The following SSUH2 variants were observed in gnomAD, a reference collection of about 807,000 sequenced individuals.
SSUH2 encodes the protein protein SSUH2 homolog.
A neutral mutation model predicts 55.3 loss-of-function variants in SSUH2; 47 were observed. The ratio of observed to expected loss-of-function variants is 0.85; its 90% CI spans 0.67 to 1.08. SSUH2 has a LOEUF of 1.08. Ranked by LOEUF, SSUH2 falls within the 50% of genes least tolerant of loss-of-function variation. The probability of loss-of-function intolerance (pLI) is 0.00; values close to 1 mark genes in which losing one functional copy is unlikely to be tolerated. For missense variants in SSUH2, 535 were observed against 490.7 expected (o/e 1.09, Z -0.85); for synonymous variants, 212 against 191.5 (o/e 1.11, Z -0.89).
intron 7 of SSUH2, among the ~76,000 whole-genome samples, chr3:8,658,766 A>T (rs1575320637): frequency 1.3e-5 from 2 of 152,218 alleles, no homozygotes; most frequent in Non-Finnish European, 2.9e-5. Flanking sequence ...TTGTGCCTGC[A>T]TGACTTCTCC....
At chr3:8,663,372 A>C (rs1703682871) in intron 6 of SSUH2, among the ~76,000 whole-genome samples, 2 of 152,356 alleles carry the variant, frequency 1.3e-5, no homozygotes, top group Admixed American at 1.3e-4. Context: ...ACAGCAATGC[A>C]TGGGCTGAGC....
In SSUH2 at chr3:8,680,710, C is replaced by T. The variant is rs998174916; in HGVS notation, c.-1045-861G>A. On this transcript the variant is annotated intron_variant, in intron 1 of 18. Transcript: ENST00000317371. ...ATACATGAAGTCATATCACCCCCTC[C>T]GCCTTGGTATATTATGAAGGAGCAT... 1.6e-4 allele frequency among the ~76,000 whole-genome samples: 24 copies of T among 152,116 alleles called. 1 individual carries two copies. The highest frequency in any genetic ancestry group is 3.9e-4 in the East Asian group (2 of 5,162).
Position 8,676,859 on chromosome 3 carries a change from T to TAGTAG in SSUH2, c.-753+346_-753+347insCTACT, listed in dbSNP as rs1423498612. ...CCCCACCTGGCCCTTAGGACCCCCA[T>TAGTAG]CGCAGGGGAGGAGGCATCCCCCGTG... On this transcript the variant is annotated intron_variant, in intron 3 of 18. Transcript: ENST00000317371. Among the ~76,000 whole-genome samples the TAGTAG allele has an allele frequency of 1.5e-3, 222 of 145,870 alleles. 4 individuals are homozygous for TAGTAG. Among genetic ancestry groups the TAGTAG allele is most frequent in the South Asian group, 2.7e-3 (12 of 4,432 alleles).
Position 8,630,925 on chromosome 3 carries a change from G to A in SSUH2, c.405C>T (p.His135=), listed in dbSNP as rs1698643745. ...SEWTFQPFTN[H]SVDGPQRGAS... ...CGCCTCTTTGCGGCCCATCCACAGAGTGGTCTGACACAGAAAGGGGTCATT... is the reference window on the plus strand; with the variant it reads ...CGCCTCTTTGCGGCCCATCCACAGAATGGTCTGACACAGAAAGGGGTCATT... The change falls in exon 6 of 12, where the codon CAC becomes CAT. Residue 135 remains histidine, a synonymous_variant. Transcript: ENST00000544814. 7.0e-7 allele frequency: 1 copy of A among 1,430,356 alleles called. No homozygotes were observed. Among genetic ancestry groups the A allele is most frequent in the Non-Finnish European group, 9.2e-7 (1 of 1,088,316 alleles). 88.6% of individuals were successfully genotyped at this position (1,430,356 alleles called of 1,614,324 possible). A position where few individuals can be genotyped will look rare whatever the true frequency, so the allele number is the denominator to read the frequency against.
Position 8,630,919 on chromosome 3 carries a change from C to T in SSUH2, c.411G>A (p.Val137=). 7.0e-7 allele frequency: 1 copy of T among 1,434,960 alleles called. No homozygotes were observed. The highest frequency in any genetic ancestry group is 9.2e-7 in the Non-Finnish European group (1 of 1,090,672). The allele number at this position is 1,434,960 out of a possible 1,614,324, so 88.9% of individuals were successfully genotyped here. A position where few individuals can be genotyped will look rare whatever the true frequency, so the allele number is the denominator to read the frequency against. Residue 137 remains valine (V), a synonymous_variant, in exon 6 of 12, where the codon GTG becomes GTA. Transcript: ENST00000544814. ...GGGAGGCGCCTCTTTGCGGCCCATC[C>T]ACAGAGTGGTCTGACACAGAAAGGG... is the stretch of plus-strand genomic sequence containing the variant. ...WTFQPFTNHS[V]DGPQRGASPR...
intron 1 of SSUH2, among the ~76,000 whole-genome samples, chr3:8,640,691 A>G (rs1465716939): frequency 6.6e-6 from 1 of 152,148 alleles, no homozygotes; most frequent in Non-Finnish European, 1.5e-5. Context: ...CCTGCTGGAG[A>G]GAGAAGCATG....
chr3:8,621,135 C>T (rs1007959223), intron 11 of SSUH2, among the ~76,000 whole-genome samples: 11 of 152,202 alleles, frequency 7.2e-5, no homozygotes, highest in Non-Finnish European at 1.5e-4. Flanking sequence ...GCCAAGCTTT[C>T]TTGTGGACTT....
intron 6 of SSUH2, chr3:8,659,809 C>T: frequency 2.4e-5 from 11 of 456,024 alleles, no homozygotes; most frequent in African/African-American, 1.0e-4. Context: ...TACCTGCAGT[C>T]AGAAGAGAGA....
At chr3:8,622,522 T>C (rs918273929) in intron 11 of SSUH2, among the ~76,000 whole-genome samples, 1 of 152,226 alleles carries the variant, frequency 6.6e-6, no homozygotes, top group African/African-American at 2.4e-5. Flanking sequence ...ACACTGGGTC[T>C]TGTGCCTACA....
intron 10 of SSUH2, among the ~76,000 whole-genome samples, 188 bp downstream of exon 10, chr3:8,625,354 T>C (rs1697310048): frequency 6.6e-6 from 1 of 152,024 alleles, no homozygotes; most frequent in African/African-American, 2.4e-5. Flanking sequence ...GGGCTGAGTG[T>C]GTAAAAGTCA....
intron 3 of SSUH2, among the ~76,000 whole-genome samples, chr3:8,672,990 G>T (rs932970399): frequency 1.3e-5 from 2 of 152,132 alleles, no homozygotes; most frequent in African/African-American, 4.8e-5. Flanking sequence ...TACACCCACT[G>T]AGGTATTAGG....
At chr3:8,657,791 C>T (rs953318247) in intron 7 of SSUH2, among the ~76,000 whole-genome samples, 56 of 152,344 alleles carry the variant, frequency 3.7e-4, no homozygotes, top group African/African-American at 1.3e-3. Context: ...TCTGTAGACT[C>T]CGACACCCTG....
rs1559257933 is a variant in SSUH2 at position 8,619,991 on chromosome 3, G to A, written c.1005C>T (p.Pro335=). ...GGTACCAATAGTGAACTTCTGTGAG[G>A]GGGATCAGCTCAATGGTCTGGCGCT... ...LQQRQTIELI[P]LTEVHYWYQG... The change falls in exon 12 of 12, where the codon CCC becomes CCT. Residue 335 remains proline (P), a synonymous_variant. Transcript: ENST00000544814. 6.2e-7 allele frequency: 1 copy of A among 1,614,080 alleles called. No homozygotes were observed. The highest frequency in any genetic ancestry group is 8.5e-7 in the Non-Finnish European group (1 of 1,179,990).
intron 4 of SSUH2, among the ~76,000 whole-genome samples, chr3:8,671,596 A>G (rs1214706203): frequency 6.8e-6 from 1 of 147,590 alleles, no homozygotes; most frequent in Non-Finnish European, 1.5e-5. Context: ...GCTAGGATAT[A>G]CTGTGAATAA....
chr3:8,642,162 A>C (rs6768226), intron 1 of SSUH2, among the ~76,000 whole-genome samples: 49,016 of 152,154 alleles, frequency 0.32, 10,411 homozygotes, highest in African/African-American at 0.61. Flanking sequence ...ATTTCTGGAA[A>C]AGGTTTCAGT....
At chr3:8,681,073 T>G (rs1416376739) in intron 1 of SSUH2, among the ~76,000 whole-genome samples, 1 of 89,594 alleles carries the variant, frequency 1.1e-5, no homozygotes, top group Non-Finnish European at 2.6e-5. Flanking sequence ...CTCTTAGGAC[T>G]TCCATAGCAG....
rs554379605 is a variant in SSUH2, at chr3:8,672,159, T to C, written c.-752-124A>G. ...GGGGGCGTGTCCACCCCATGCGATA[T>C]TGAAAGTAACATCATCCTCTTCTCT... On this transcript the variant is annotated intron_variant, in intron 3 of 18. Coordinates refer to the SSUH2 transcript ENST00000317371. The C allele has an allele frequency of 3.3e-5, 5 of 152,080 alleles. No homozygotes were observed. The South Asian group carries it at 1.0e-3, about 32-fold the overall frequency. The allele number at this position is 152,080 out of a possible 1,614,324, so 9.4% of individuals were successfully genotyped here. A position where few individuals can be genotyped will look rare whatever the true frequency, so the allele number is the denominator to read the frequency against.
chr3:8,663,938 G>T (rs1273085920), intron 5 of SSUH2: 1 of 421,156 alleles, frequency 2.4e-6, no homozygotes, highest in Non-Finnish European at 4.8e-6. Context: ...TATTTTCCTT[G>T]GTTAGACAGT....
chr3:8,660,285 AAAGGAAAAG>A (rs1296372342), intron 6 of SSUH2, among the ~76,000 whole-genome samples: 10 of 152,322 alleles, frequency 6.6e-5, no homozygotes, highest in Admixed American at 4.6e-4. Context: ...ACTTTCCATC[AAAGGAAAAG>A]AGCAGCCCAA....
Sources: gnomAD v4.1 joint callset for allele counts (sites outside exome capture counted in the v4.1 genomes callset) on GRCh38, gnomAD v4.1.1 for gene constraint, MANE v1.5 for transcripts, NCBI Gene and HGNC (gene_info 2026-07-23, HGNC 2026-07-21) for gene names.